Variants in LYPD6B observed in about 807,000 individuals in gnomAD.
LYPD6B encodes LY6/PLAUR domain containing 6B.
A neutral mutation model predicts 22.8 loss-of-function variants in LYPD6B; 17 were observed. That is an observed-to-expected ratio of 0.75 (90% CI 0.51 to 1.12). LYPD6B has a LOEUF of 1.12. Among genes scored for constraint, LYPD6B ranks in the 50% most tolerant of loss-of-function variants. The pLI is 0.00. For missense variants in LYPD6B, 221 were observed against 258.3 expected (o/e 0.86, Z 0.99); for synonymous variants, 106 against 91.6 (o/e 1.16, Z -0.90).
intron 3 of LYPD6B, among the ~76,000 whole-genome samples, chr2:149,197,564 G>A (rs180716411): frequency 1.4e-4 from 22 of 152,248 alleles, no homozygotes; most frequent in South Asian, 6.2e-4. Flanking sequence ...TCCTCAAAAC[G>A]AATTTCAGGT....
intron 3 of LYPD6B, among the ~76,000 whole-genome samples, chr2:149,167,988 T>A (rs1037548918): frequency 6.6e-6 from 1 of 151,826 alleles, no homozygotes; most frequent in Non-Finnish European, 1.5e-5. Context: ...GGCAAGTGGA[T>A]CACTTGAGGT....
chr2:149,126,492 G>C (rs1167288272), intron 1 of LYPD6B, among the ~76,000 whole-genome samples: 6 of 151,900 alleles, frequency 3.9e-5, no homozygotes, highest in African/African-American at 1.5e-4. Flanking sequence ...ATAAGGAAGA[G>C]AAAATATATT....
intron 3 of LYPD6B, among the ~76,000 whole-genome samples, chr2:149,200,470 A>G (rs1462146454): frequency 1.3e-5 from 2 of 152,106 alleles, no homozygotes; most frequent in East Asian, 1.9e-4. Context: ...TCTATTCCAT[A>G]AAGTATCTAC....
chr2:149,143,271 C>T (rs576462033), intron 2 of LYPD6B, among the ~76,000 whole-genome samples: 70 of 152,130 alleles, frequency 4.6e-4, no homozygotes, highest in Admixed American at 8.5e-4. Context: ...TTAACACACT[C>T]TAATTCCCCT....
chr2:149,191,620 C>G (rs114435983), intron 3 of LYPD6B, among the ~76,000 whole-genome samples: 1 of 152,216 alleles, frequency 6.6e-6, no homozygotes, highest in African/African-American at 2.4e-5. Context: ...TAGTCATTCT[C>G]CAAATGAAAT....
At chr2:149,135,741 A>AC (rs1404467956) in intron 2 of LYPD6B, among the ~76,000 whole-genome samples, 2 of 151,612 alleles carry the variant, frequency 1.3e-5, no homozygotes, top group Non-Finnish European at 2.9e-5. Context: ...AAAAAAAAAA[A>AC]AAAAAGTGTG....
chr2:149,130,378 C>A (rs1327304330), intron 1 of LYPD6B, among the ~76,000 whole-genome samples: 2 of 152,166 alleles, frequency 1.3e-5, no homozygotes, highest in African/African-American at 4.8e-5. Context: ...ATAGCCATAT[C>A]ATAATGAGTC....
chr2:149,085,844 T>G (rs1685363092), intron 1 of LYPD6B, among the ~76,000 whole-genome samples: 1 of 152,206 alleles, frequency 6.6e-6, no homozygotes, highest in South Asian at 2.1e-4. Flanking sequence ...CCAACTTTTC[T>G]ATCACTAATA....
chr2:149,069,907 C>CT lies in LYPD6B; in HGVS notation c.-67+31121dup, dbSNP rs201360515. 5.3e-3 allele frequency among the ~76,000 whole-genome samples: 749 copies of CT among 141,572 alleles called. 14 individuals are homozygous for CT. The highest frequency in any genetic ancestry group is 0.034 in the Admixed American group (474 of 14,070). 92.9% of individuals were successfully genotyped at this position (141,572 alleles called of 152,430 possible). Reference sequence around the variant, plus strand: ...ACAAATATGTTGGCTAGCTGTACAACTTTTTTTTTTTTTTTAATTGCAGAG... The same window carrying CT: ...ACAAATATGTTGGCTAGCTGTACAACTTTTTTTTTTTTTTTTAATTGCAGAG... On this transcript the variant is annotated intron_variant, in intron 1 of 6. Transcript: ENST00000409642.
At chr2:149,190,568 TAAG>T (rs1297939960) in intron 3 of LYPD6B, among the ~76,000 whole-genome samples, 1 of 152,200 alleles carries the variant, frequency 6.6e-6, no homozygotes, top group Non-Finnish European at 1.5e-5. Flanking sequence ...AGGAGAGTGT[TAAG>T]AAAACATGTT....
At chr2:149,160,533 G>A in intron 2 of LYPD6B, 1 of 635,288 alleles carries the variant, frequency 1.6e-6, no homozygotes, top group Non-Finnish European at 2.9e-6. Context: ...GCCCAGGTGT[G>A]TGTTAATAAA....
intron 1 of LYPD6B, among the ~76,000 whole-genome samples, chr2:149,125,173 C>A (rs745386706): frequency 5.3e-5 from 8 of 152,144 alleles, no homozygotes; most frequent in Non-Finnish European, 7.3e-5. Flanking sequence ...GGAACTCAAA[C>A]ACATCTTACC....
At chr2:149,185,383 C>T (rs573256629) in intron 3 of LYPD6B, among the ~76,000 whole-genome samples, 1 of 152,150 alleles carries the variant, frequency 6.6e-6, no homozygotes, top group Non-Finnish European at 1.5e-5. Flanking sequence ...GGAACCTATC[C>T]CTGATTAGAG....
intron 3 of LYPD6B, among the ~76,000 whole-genome samples, chr2:149,169,540 G>C (rs571352498): frequency 6.6e-6 from 1 of 152,250 alleles, no homozygotes; most frequent in Non-Finnish European, 1.5e-5. Context: ...TTGTATACAA[G>C]GGATTCCTAA....
At chr2:149,142,269 C>T (rs1373721634) in intron 2 of LYPD6B, 1 of 152,168 alleles carries the variant, frequency 6.6e-6, no homozygotes, top group East Asian at 1.9e-4. Flanking sequence ...ACAATCTGGA[C>T]AAATGTGTAT....
At chr2:149,171,525 C>T (rs945021086) in intron 3 of LYPD6B, among the ~76,000 whole-genome samples, 1 of 131,786 alleles carries the variant, frequency 7.6e-6, no homozygotes, top group Non-Finnish European at 1.7e-5. Flanking sequence ...TTTTTGAAGT[C>T]TGATTTTTTT....
At chr2:149,152,234 A>G (rs927671518) in intron 2 of LYPD6B, among the ~76,000 whole-genome samples, 17 of 152,268 alleles carry the variant, frequency 1.1e-4, no homozygotes, top group African/African-American at 3.9e-4. Flanking sequence ...AAACACAAGG[A>G]TTGTATTATT....
At chr2:149,133,772 T>G (rs768725410) in intron 2 of LYPD6B, among the ~76,000 whole-genome samples, 5 of 152,146 alleles carry the variant, frequency 3.3e-5, no homozygotes, top group Non-Finnish European at 5.9e-5. Flanking sequence ...TACTTCAGTG[T>G]CAGTATGGAG....
chr2:149,188,248 C>T (rs554405778), intron 3 of LYPD6B, among the ~76,000 whole-genome samples: 2 of 152,232 alleles, frequency 1.3e-5, no homozygotes, highest in East Asian at 3.9e-4. Context: ...TAATATCCCC[C>T]CTGTGATGCA....
Sources: allele counts gnomAD v4.1 joint callset (sites outside exome capture counted in the v4.1 genomes callset), GRCh38; gene constraint gnomAD v4.1.1; transcripts MANE v1.5; gene names NCBI Gene and HGNC (gene_info 2026-07-23, HGNC 2026-07-21).